RIMBP2: variants seen among roughly 807,000 people sequenced by gnomAD.
RIMBP2 encodes the protein RIMS-binding protein 2.
RIMBP2 carries 48 observed loss-of-function variants against 118.6 expected under a neutral mutation model. The observed-to-expected ratio is 0.40, with a 90% confidence interval of 0.32 to 0.51. The LOEUF is 0.51. Ranked by LOEUF, RIMBP2 falls within the 20% of genes least tolerant of loss-of-function variation. The pLI, the probability that RIMBP2 is intolerant of heterozygous loss-of-function variation, is 0.41. For synonymous variants in RIMBP2, 762 were observed against 742.9 expected, an observed-to-expected ratio of 1.03 and a Z score of -0.42; for missense variants, 1,551 against 1,768.3, an observed-to-expected ratio of 0.88 and a Z score of 2.20.
chr12:130,698,456 C>A lies in RIMBP2; in HGVS notation c.-352+17766G>T, dbSNP rs1300096313. On this transcript the variant is annotated intron_variant, in intron 1 of 22. Transcript: ENST00000690449. ...CAGTGTGTGCAGTTTACAAAAGATGCTAGAAATACAAGTTTTAGACTGGAC... is the reference window on the plus strand; with the variant it reads ...CAGTGTGTGCAGTTTACAAAAGATGATAGAAATACAAGTTTTAGACTGGAC... Among the ~76,000 whole-genome samples, 5 of 152,124 alleles carry A rather than the reference C, an allele frequency of 3.3e-5. No homozygotes were observed. In the South Asian group the frequency reaches 1.0e-3, roughly 32 times the overall value.
rs2076318780 is a variant in RIMBP2 at position 130,420,044 on chromosome 12, C to A, written c.3238+2409G>T. 6.6e-6 allele frequency among the ~76,000 whole-genome samples: 1 copy of A among 152,136 alleles called. No individual in the cohort carries two copies. Among genetic ancestry groups the A allele is most frequent in the Non-Finnish European group, 1.5e-5 (1 of 68,014 alleles). On this transcript the variant is annotated intron_variant, in intron 17 of 22. Transcript: ENST00000690449. This position sits in a 1 kb window ranked among gnomAD's most constrained non-coding sequence, Gnocchi z 4.3. ...ATTTCCTCTGAAAAAGATAAGTAATCCTTTGAAATATAGATTTCTAAAATA... is the reference window on the plus strand; with the variant it reads ...ATTTCCTCTGAAAAAGATAAGTAATACTTTGAAATATAGATTTCTAAAATA...
chr12:130,556,219 C>T (rs2056342118), intron 2 of RIMBP2, among the ~76,000 whole-genome samples: 1 of 152,188 alleles, frequency 6.6e-6, no homozygotes, highest in Admixed American at 6.5e-5. Context: ...ACTCTGTCTG[C>T]CCGGATCTTC....
chr12:130,668,335 T>C (rs2064042276), intron 1 of RIMBP2: 1 of 152,216 alleles, frequency 6.6e-6, no homozygotes, highest in South Asian at 2.1e-4. Flanking sequence ...GCAGCCTCAA[T>C]GTCCTAATTT....
rs768919273 is a variant in RIMBP2, at chr12:130,414,120, C to T, written c.3420+5G>A. The T allele has an allele frequency of 1.1e-5, 18 of 1,613,908 alleles. No homozygotes were observed. The highest frequency in any genetic ancestry group is 3.3e-5 in the South Asian group (3 of 91,070). ...TGAAGCCGCCCGCAGGCAGCCATCC[C>T]GCACCTTGATGATCTGGCCTTCTTT... On this transcript the variant is annotated splice_donor_5th_base_variant and intron_variant, in intron 18 of 22. Transcript: ENST00000690449.
intron 2 of RIMBP2, among the ~76,000 whole-genome samples, chr12:130,530,035 A>T (rs1566204324): frequency 6.6e-6 from 1 of 152,140 alleles, no homozygotes; most frequent in Non-Finnish European, 1.5e-5. Flanking sequence ...AAAAGAGACA[A>T]ACCTATATCC....
intron 6 of RIMBP2, among the ~76,000 whole-genome samples, chr12:130,459,707 G>A (rs545968369): frequency 6.6e-5 from 10 of 152,180 alleles, no homozygotes; most frequent in East Asian, 3.9e-4. Context: ...AGGACAGGTC[G>A]TCGCAATACA....
At chr12:130,654,569 A>C (rs1056278924) in intron 1 of RIMBP2, among the ~76,000 whole-genome samples, 1 of 152,180 alleles carries the variant, frequency 6.6e-6, no homozygotes, top group African/African-American at 2.4e-5. Context: ...TGAGCTCTCC[A>C]AACTCTTCCA....
rs2081374557 is a variant in RIMBP2, at chr12:130,475,764, T to C, written c.102+3148A>G. Among the ~76,000 whole-genome samples the C allele has an allele frequency of 6.6e-6, 1 of 151,944 alleles. No individual in the cohort carries two copies. The highest frequency in any genetic ancestry group is 3.2e-3 in the Middle Eastern group (1 of 316). ...GACAACAAGCAAACAAAAAAGGCAA[T>C]TAACTCCAGGGAAAGGAAGAGCTGT... On this transcript the variant is annotated intron_variant, in intron 5 of 22. Transcript: ENST00000690449. The surrounding 1 kb of genome is among the most constrained non-coding windows in gnomAD (Gnocchi z 4.1).
At chr12:130,531,295 G>T (rs1382236442) in intron 2 of RIMBP2, among the ~76,000 whole-genome samples, 3 of 152,140 alleles carry the variant, frequency 2.0e-5, no homozygotes, top group Non-Finnish European at 4.4e-5. Flanking sequence ...TGAAGAAGTA[G>T]GACATTCGCT....
chr12:130,565,684 T>G (rs566111579), intron 2 of RIMBP2, among the ~76,000 whole-genome samples: 50 of 152,342 alleles, frequency 3.3e-4, no homozygotes, highest in African/African-American at 1.2e-3. Context: ...CTTTTTAAAA[T>G]TATTTTGTAG....
rs115147351 is a variant in RIMBP2 at position 130,550,992 on chromosome 12, T to C, written c.-216-33075A>G. Among the ~76,000 whole-genome samples, 180 of 152,338 alleles carry C rather than the reference T, an allele frequency of 1.2e-3. 1 individual carries two copies. The highest frequency in any genetic ancestry group is 3.5e-3 in the African/African-American group (146 of 41,576). On this transcript the variant is annotated intron_variant, in intron 2 of 22. Transcript: ENST00000690449. Reference sequence around the variant, plus strand: ...GTGTGTCTAAAATGTGGTGACATGATGTGTGGCACCACCTTCCAGAAGCTG... The same window carrying C: ...GTGTGTCTAAAATGTGGTGACATGACGTGTGGCACCACCTTCCAGAAGCTG...
At position 130,442,708 on chromosome 12, in the gene RIMBP2, C is replaced by T. The variant is rs1397747675; in HGVS notation, c.692-48G>A. The T allele has an allele frequency of 2.7e-6, 4 of 1,505,428 alleles. No individual in the cohort carries two copies. Among genetic ancestry groups the T allele is most frequent in the Non-Finnish European group, 2.7e-6 (3 of 1,100,352 alleles). 93.3% of individuals were successfully genotyped at this position (1,505,428 alleles called of 1,614,324 possible). ...TATCACCCAGCCAACACAGCAGGGG[C>T]CTCGAGGCCCCCAGTGTACTCCCAC... On this transcript the variant is annotated intron_variant, in intron 10 of 22. Coordinates refer to ENST00000690449, the MANE Select transcript of RIMBP2 (RefSeq NM_001393629.1). The surrounding 1 kb of genome is among the most constrained non-coding windows in gnomAD (Gnocchi z 6.9).
chr12:130,445,392 A>AT (rs1352520591), intron 9 of RIMBP2, 123 bp from the exon 10 acceptor site: 11 of 623,732 alleles, frequency 1.8e-5, no homozygotes, highest in Admixed American at 3.3e-5. Context: ...ACAAACCCAC[A>AT]TAATCGTTCG....
chr12:130,456,531 T>A lies in RIMBP2; in HGVS notation c.323A>T (p.Gln108Leu). The change falls in exon 7 of 23, where the codon CAG becomes CTG. Residue 108 changes from glutamine to leucine, a missense_variant. Around this residue, in one of 5 missense-constraint regions of RIMBP2, gnomAD observed 239 missense variants for 256.8 expected, o/e 0.93. Transcript: ENST00000690449. The stretch of plus-strand genomic sequence containing the variant: ...GGAGGTGGCTAGGCCATTCATGAAC[T>A]GTGGGAAAGGCTTGCTGGGGGCCGT... ...ISTAPSKPFP[Q>L]FMNGLATSLG... 2 of 1,605,844 alleles carry A rather than the reference T, an allele frequency of 1.2e-6. No individual in the cohort carries two copies. The highest frequency in any genetic ancestry group is 1.7e-6 in the Non-Finnish European group (2 of 1,173,656).
chr12:130,701,501 G>A (rs985057236), intron 1 of RIMBP2, among the ~76,000 whole-genome samples: 12 of 152,156 alleles, frequency 7.9e-5, no homozygotes, highest in Non-Finnish European at 1.8e-4. Context: ...CAGGGGCGGA[G>A]AGCAGCCCAG....
chr12:130,682,312 G>A (rs1485402015), intron 1 of RIMBP2, among the ~76,000 whole-genome samples: 3 of 152,196 alleles, frequency 2.0e-5, no homozygotes, highest in Admixed American at 2.0e-4. Context: ...TGGGGCCCTG[G>A]AGCACCGCCA....
At chr12:130,672,553 A>G (rs546765740) in intron 1 of RIMBP2, among the ~76,000 whole-genome samples, 60 of 152,266 alleles carry the variant, frequency 3.9e-4, no homozygotes, top group African/African-American at 1.4e-3. Flanking sequence ...CAGCATCTCT[A>G]TGTGCAGATG....
intron 15 of RIMBP2, chr12:130,426,809 G>C (rs2076822281): frequency 6.6e-6 from 1 of 152,158 alleles, no homozygotes; most frequent in African/African-American, 2.4e-5. Context: ...GCAATTCCCG[G>C]GCTCTTCCTC....
intron 2 of RIMBP2, among the ~76,000 whole-genome samples, chr12:130,599,025 G>A (rs2059719487): frequency 6.6e-6 from 1 of 152,158 alleles, no homozygotes; most frequent in African/African-American, 2.4e-5. Context: ...TTTTAACAAA[G>A]ATGCAAAGAG....
Sources: gnomAD v4.1 joint callset for allele counts (sites outside exome capture counted in the v4.1 genomes callset) on GRCh38, gnomAD v4.1.1 for gene constraint, gnomAD v4.1.1 regional missense constraint, Gnocchi (gnomAD v3.1) non-coding constraint, MANE v1.5 for transcripts, NCBI Gene and HGNC (gene_info 2026-07-23, HGNC 2026-07-21) for gene names.